The following DPT variants were observed in gnomAD, a reference collection of about 807,000 sequenced individuals.
DPT encodes the protein dermatopontin, also known as tyrosine-rich acidic matrix protein.
Under a neutral mutation model 31.2 loss-of-function variants are expected in DPT, and 21 were observed. That is an observed-to-expected ratio of 0.67 (90% CI 0.48 to 0.97). The LOEUF is 0.97. Ranked by LOEUF, DPT falls within the 50% of genes least tolerant of loss-of-function variation. The probability of loss-of-function intolerance (pLI) is 0.00; values close to 1 mark genes in which losing one functional copy is unlikely to be tolerated. For missense variants in DPT, 262 were observed against 258.8 expected (o/e 1.01, Z -0.08); for synonymous variants, 91 against 86.9 (o/e 1.05, Z -0.26).
chr1:168,713,359 A>G (rs1338707594), intron 2 of DPT, among the ~76,000 whole-genome samples: 1 of 152,250 alleles, frequency 6.6e-6, no homozygotes, highest in Non-Finnish European at 1.5e-5. Flanking sequence ...ACTGTGTGCC[A>G]CTGGGCATCT....
At chr1:168,702,038 C>T (rs991747540) in intron 2 of DPT, among the ~76,000 whole-genome samples, 4 of 152,124 alleles carry the variant, frequency 2.6e-5, no homozygotes, top group Non-Finnish European at 5.9e-5. Flanking sequence ...GTAGTCCATC[C>T]TGGAATAAAG....
At chr1:168,708,990 G>C (rs1354458917) in intron 2 of DPT, among the ~76,000 whole-genome samples, 1 of 152,150 alleles carries the variant, frequency 6.6e-6, no homozygotes, top group Non-Finnish European at 1.5e-5. Context: ...GCACTCTCTG[G>C]CTTATGACTT....
chr1:168,729,150 G>T lies in DPT; in HGVS notation c.25C>A (p.Leu9Ile), dbSNP rs1650319298. The T allele has an allele frequency of 6.2e-7, 1 of 1,614,062 alleles. No homozygotes were observed. The highest frequency in any genetic ancestry group is 2.2e-5 in the East Asian group (1 of 44,874). Residue 9 changes from leucine (L) to isoleucine (I), a missense_variant, in exon 1 of 4, where the codon CTT becomes ATT. Physicochemically the swap from Leu to Ile is conservative, Grantham distance 5 (BLOSUM62 2). Transcript: ENST00000367817. MDLSLLWV[L>I]LPLVTMAWGQ... is the part of the protein sequence containing the mutation. ...CAGGCCATGGTGACTAGGGGCAGAA[G>T]TACCCAGAGAAGACTGAGGTCCATG...
intron 2 of DPT, among the ~76,000 whole-genome samples, chr1:168,712,334 C>T (rs1649885481): frequency 6.6e-6 from 1 of 152,144 alleles, no homozygotes; most frequent in South Asian, 2.1e-4. Flanking sequence ...TACCTCCTCA[C>T]CTCCTCACTC....
intron 2 of DPT, among the ~76,000 whole-genome samples, chr1:168,707,162 C>T (rs1475911333): frequency 6.6e-6 from 1 of 152,120 alleles, no homozygotes; most frequent in East Asian, 1.9e-4. Context: ...TCAGTTCCCT[C>T]ATCTGTATGA....
At chr1:168,717,138 C>T (rs1650002145) in intron 1 of DPT, among the ~76,000 whole-genome samples, 1 of 152,214 alleles carries the variant, frequency 6.6e-6, no homozygotes, top group African/African-American at 2.4e-5. Flanking sequence ...ACATTGCCTT[C>T]TACAATGGTT....
chr1:168,709,910 G>A (rs1262894975), intron 2 of DPT, among the ~76,000 whole-genome samples: 2 of 152,328 alleles, frequency 1.3e-5, no homozygotes, highest in African/African-American at 2.4e-5. Flanking sequence ...GTACATGAAA[G>A]AAGTCTTTGT....
At chr1:168,710,455 A>C (rs527278004) in intron 2 of DPT, among the ~76,000 whole-genome samples, 142 of 152,230 alleles carry the variant, frequency 9.3e-4, no homozygotes, top group Non-Finnish European at 1.9e-3. Context: ...AGGAAGGGTA[A>C]AGGGTATGGG....
intron 3 of DPT, among the ~76,000 whole-genome samples, chr1:168,697,527 C>T (rs1436140104): frequency 1.3e-5 from 2 of 152,200 alleles, no homozygotes; most frequent in Non-Finnish European, 2.9e-5. Context: ...CATAGCATTA[C>T]TAAATTTTGA....
intron 2 of DPT, among the ~76,000 whole-genome samples, chr1:168,712,304 C>T (rs577527256): frequency 1.3e-5 from 2 of 152,196 alleles, no homozygotes; most frequent in South Asian, 4.2e-4. Context: ...CCTTCCTCCC[C>T]ACTGCAGCCC....
intron 1 of DPT, among the ~76,000 whole-genome samples, chr1:168,717,474 G>T (rs1346927278): frequency 6.6e-6 from 1 of 152,168 alleles, no homozygotes; most frequent in Non-Finnish European, 1.5e-5. Flanking sequence ...CAGATGGGTA[G>T]TTTGCAAAAA....
intron 1 of DPT, among the ~76,000 whole-genome samples, chr1:168,726,345 C>A (rs531990369): frequency 6.6e-6 from 1 of 152,292 alleles, no homozygotes; most frequent in South Asian, 2.1e-4. Context: ...CATGACAAAC[C>A]AGTCACAGTT....
At chr1:168,728,389 G>A (rs1338503479) in intron 1 of DPT, among the ~76,000 whole-genome samples, 2 of 152,152 alleles carry the variant, frequency 1.3e-5, no homozygotes, top group African/African-American at 2.4e-5. Context: ...CCTCCGTGCT[G>A]AGAGATCAAT....
chr1:168,696,400 C>A lies in DPT; in HGVS notation c.*149G>T, dbSNP rs889312063. The A allele has an allele frequency of 1.9e-5, 12 of 631,620 alleles. No individual in the cohort carries two copies. The highest frequency in any genetic ancestry group is 3.3e-5 in the Non-Finnish European group (12 of 360,766). 39.1% of individuals were successfully genotyped at this position (631,620 alleles called of 1,614,324 possible). On this transcript the variant is annotated 3_prime_UTR_variant, in exon 4 of 4. Coordinates refer to ENST00000367817, the MANE Select transcript of DPT (RefSeq NM_001937.5). Reference sequence around the variant, plus strand: ...GAAGTGTGATACTAGTCAGAAAGGCCCAGGAAGTTGGCATTGCAGTTACCA... The same window carrying A: ...GAAGTGTGATACTAGTCAGAAAGGCACAGGAAGTTGGCATTGCAGTTACCA...
At chr1:168,716,566 C>T (rs539751270) in intron 1 of DPT, among the ~76,000 whole-genome samples, 2 of 151,430 alleles carry the variant, frequency 1.3e-5, no homozygotes, top group South Asian at 4.2e-4. Flanking sequence ...ACTTTAAGTT[C>T]CGGGATACAA....
intron 1 of DPT, among the ~76,000 whole-genome samples, chr1:168,725,620 G>A (rs1390924558): frequency 6.6e-6 from 1 of 152,132 alleles, no homozygotes; most frequent in Non-Finnish European, 1.5e-5. Flanking sequence ...AAGGCCTCCT[G>A]GTAGTTGTTA....
At chr1:168,716,391 G>A (rs74348489) in intron 1 of DPT, among the ~76,000 whole-genome samples, 4,077 of 152,098 alleles carry the variant, frequency 0.027, 183 homozygotes, top group African/African-American at 0.093. Flanking sequence ...GGACTTGTAA[G>A]AAGTTCTGGC....
intron 1 of DPT, among the ~76,000 whole-genome samples, chr1:168,715,701 C>A (rs1649966838): frequency 6.6e-6 from 1 of 152,210 alleles, no homozygotes; most frequent in East Asian, 1.9e-4. Context: ...ATTTGTTCTG[C>A]CCCCACACAG....
chr1:168,711,877 G>C (rs1308775908), intron 2 of DPT, among the ~76,000 whole-genome samples: 1 of 152,182 alleles, frequency 6.6e-6, no homozygotes. Context: ...CAAATGTTAT[G>C]TGCCTGTCAT....
Sources: gnomAD v4.1 joint callset for allele counts (sites outside exome capture counted in the v4.1 genomes callset) on GRCh38, gnomAD v4.1.1 for gene constraint, MANE v1.5 for transcripts, NCBI Gene and HGNC (gene_info 2026-07-23, HGNC 2026-07-21) for gene names.